Variants in CEP72 observed in about 807,000 individuals in gnomAD.
CEP72 encodes centrosomal protein 72, also known as centrosomal protein of 72 kDa.
A neutral mutation model predicts 65.7 loss-of-function variants in CEP72; 78 were observed. That is an observed-to-expected ratio of 1.19 (90% CI 0.99 to 1.43). CEP72 has a LOEUF of 1.43. Among genes scored for constraint, CEP72 ranks in the 40% most tolerant of loss-of-function variants. The probability of loss-of-function intolerance (pLI) is 0.00; values close to 1 mark genes in which losing one functional copy is unlikely to be tolerated. For synonymous variants in CEP72, 358 were observed against 351.7 expected, an observed-to-expected ratio of 1.02 and a Z score of -0.20; for missense variants, 914 against 832.9, an observed-to-expected ratio of 1.10 and a Z score of -1.20.
At chr5:621,606 T>C (rs1054264242) in intron 3 of CEP72, among the ~76,000 whole-genome samples, 3 of 151,898 alleles carry the variant, frequency 2.0e-5, no homozygotes, top group African/African-American at 7.3e-5. Flanking sequence ...ACACCAGAGG[T>C]GGGAAAACAG....
chr5:672,596 T>G, the CEP72 span, among the ~76,000 whole-genome samples: 1 of 152,102 alleles, frequency 6.6e-6, no homozygotes, highest in Non-Finnish European at 1.5e-5. Context: ...CTGGTGGTGT[T>G]TGGTGCAGTT....
rs377102586 is a variant in CEP72 at position 653,123 on chromosome 5, C to T, written c.1914C>T (p.Ser638=). The change falls in exon 12 of 12, where the codon AGC becomes AGT. Residue 638 remains serine (S), a synonymous_variant. Transcript: ENST00000264935. ...CCATGGCCCTGTTTCCACACAGCAGCGCCAGCCATGGAGGCTGCCAGGCCT... is the reference window on the plus strand; with the variant it reads ...CCATGGCCCTGTTTCCACACAGCAGTGCCAGCCATGGAGGCTGCCAGGCCT... The part of the protein sequence containing the change: ...KKTMALFPHS[S]ASHGGCQAC 1.2e-5 allele frequency: 20 copies of T among 1,611,188 alleles called. No homozygotes were observed. Among genetic ancestry groups the T allele is most frequent in the African/African-American group, 1.1e-4 (8 of 74,898 alleles).
At chr5:619,921 G>C (rs1475820755) in intron 2 of CEP72, 148 bp from the exon 3 acceptor site, 14 of 673,390 alleles carry the variant, frequency 2.1e-5, no homozygotes, top group Non-Finnish European at 3.5e-5. Flanking sequence ...AGATGAGAAC[G>C]TTTCATTTTT....
At chr5:673,353 G>A in the CEP72 span, among the ~76,000 whole-genome samples, 1 of 152,102 alleles carries the variant, frequency 6.6e-6, no homozygotes, top group African/African-American at 2.4e-5. Context: ...CCCCCCGAGG[G>A]GAGTCCAAGC....
chr5:629,193 G>A (rs1737039072), intron 4 of CEP72, among the ~76,000 whole-genome samples: 1 of 152,208 alleles, frequency 6.6e-6, no homozygotes, highest in African/African-American at 2.4e-5. Context: ...CTGTATAGAG[G>A]GTCACCATGC....
intron 9 of CEP72, chr5:642,739 G>C (rs973172564): frequency 4.1e-6 from 4 of 985,354 alleles, no homozygotes; most frequent in Non-Finnish European, 4.8e-6. Flanking sequence ...CCCGAGCCCC[G>C]CGGGTAAGGA....
At position 635,496 on chromosome 5, in the gene CEP72, G is replaced by A. The variant is rs144690583; in HGVS notation, c.816G>A (p.Gln272=). The change falls in exon 6 of 12, where the codon CAG becomes CAA. Residue 272 remains glutamine (Q), a synonymous_variant. Coordinates refer to ENST00000264935, the MANE Select transcript of CEP72 (RefSeq NM_018140.4). ...GCCLEKMPWS[Q]LCGELPPLYG... The stretch of plus-strand genomic sequence containing the variant: ...GTCTGGAGAAGATGCCTTGGAGCCA[G>A]CTCTGTGGAGAGCTTCCGCCACTGT... The A allele has an allele frequency of 6.2e-7, 1 of 1,614,138 alleles. No homozygotes were observed.
rs1439809819 is a variant in CEP72 at position 653,002 on chromosome 5, C to G, written c.1793C>G (p.Thr598Ser). ...TTGTTCTGCAGCTCCCTGGTCAGCA[C>G]CAATGAACACCTGCTGCAGGAGCTG... is the stretch of plus-strand genomic sequence containing the variant. ...LQESHSSLVS[T>S]NEHLLQELSQ... The change falls in exon 12 of 12, where the codon ACC becomes AGC. Residue 598 changes from threonine to serine, a missense_variant. By Grantham distance (58) the Thr-to-Ser change is moderately conservative. Coordinates refer to ENST00000264935, the MANE Select transcript of CEP72 (RefSeq NM_018140.4). 6.2e-7 allele frequency: 1 copy of G among 1,611,934 alleles called. No homozygotes were observed. Among genetic ancestry groups the G allele is most frequent in the South Asian group, 1.1e-5 (1 of 90,778 alleles).
At chr5:669,318 TG>T (rs113038413), downstream of CEP72, among the ~76,000 whole-genome samples, 7,144 of 152,162 alleles carry the variant, frequency 0.047, 288 homozygotes, top group African/African-American at 0.11. Flanking sequence ...CTCTGTGGCG[TG>T]GGGGTCCGCG....
At chr5:672,490 C>T in the CEP72 span, among the ~76,000 whole-genome samples, 3 of 152,274 alleles carry the variant, frequency 2.0e-5, no homozygotes, top group Non-Finnish European at 4.4e-5. Context: ...GCAGCCCAGC[C>T]CTCCTTCCTC....
downstream of CEP72, among the ~76,000 whole-genome samples, chr5:657,623 G>C (rs901997824): frequency 2.0e-5 from 3 of 152,212 alleles, no homozygotes; most frequent in African/African-American, 7.2e-5. Context: ...CGTTCACACA[G>C]ACCATCCTTA....
chr5:670,453 T>A (rs1453500433), downstream of CEP72, among the ~76,000 whole-genome samples: 3 of 152,010 alleles, frequency 2.0e-5, no homozygotes, highest in Non-Finnish European at 4.4e-5. Context: ...TAGGCGAGTC[T>A]GAGAGAGAGG....
chr5:667,534 T>C (rs1039103842), downstream of CEP72, among the ~76,000 whole-genome samples: 3 of 152,000 alleles, frequency 2.0e-5, no homozygotes, highest in African/African-American at 7.3e-5. Context: ...CAACAAAACA[T>C]GGCCTATAGT....
intron 8 of CEP72, among the ~76,000 whole-genome samples, chr5:639,450 G>A (rs1181629125): frequency 6.6e-6 from 1 of 152,222 alleles, no homozygotes; most frequent in East Asian, 1.9e-4. Context: ...TGGGTCCCCC[G>A]CTGTGCTCTG....
chr5:636,794 A>G (rs1272842346), intron 6 of CEP72, among the ~76,000 whole-genome samples: 31 of 148,514 alleles, frequency 2.1e-4, no homozygotes, highest in African/African-American at 7.5e-4. Flanking sequence ...TGGGCAATAG[A>G]GCAAGACTCC....
chr5:672,220 T>G, the CEP72 span, among the ~76,000 whole-genome samples: 1 of 152,054 alleles, frequency 6.6e-6, no homozygotes, highest in Non-Finnish European at 1.5e-5. Context: ...CGGGGGGGTG[T>G]ACCAGGCTCA....
chr5:629,969 A>T (rs1273545835), intron 4 of CEP72, among the ~76,000 whole-genome samples: 1 of 18,434 alleles, frequency 5.4e-5, no homozygotes, highest in African/African-American at 4.7e-4. Flanking sequence ...CGGGATTTAG[A>T]CCAGTCCTGG....
At chr5:642,320 T>G in intron 9 of CEP72, 1 of 983,970 alleles carries the variant, frequency 1.0e-6, no homozygotes, top group African/African-American at 1.7e-5. Flanking sequence ...CCTCATCTGG[T>G]GGAAGCCTCT....
chr5:618,126 G>T (rs1736114132), intron 1 of CEP72, among the ~76,000 whole-genome samples: 1 of 152,180 alleles, frequency 6.6e-6, no homozygotes, highest in Non-Finnish European at 1.5e-5. Flanking sequence ...GCAGCCAGAA[G>T]TGGAGGCGGG....
Sources: allele counts gnomAD v4.1 joint callset (sites outside exome capture counted in the v4.1 genomes callset), GRCh38; gene constraint gnomAD v4.1.1; transcripts MANE v1.5; gene names NCBI Gene and HGNC (gene_info 2026-07-23, HGNC 2026-07-21).